The following CEACAM3 variants were observed in gnomAD, a reference collection of about 807,000 sequenced individuals.
CEACAM3 encodes the protein cell adhesion molecule CEACAM3.
In CEACAM3, 32 loss-of-function variants were observed where a neutral mutation model predicts 30.1. The ratio of observed to expected loss-of-function variants is 1.06; its 90% CI spans 0.80 to 1.43. CEACAM3 has a LOEUF of 1.43. CEACAM3 is among the 40% of genes most tolerant of loss of function. The probability of loss-of-function intolerance (pLI) is 0.00; values close to 1 mark genes in which losing one functional copy is unlikely to be tolerated. For missense variants in CEACAM3, 290 were observed against 316.3 expected (o/e 0.92, Z 0.63); for synonymous variants, 134 against 127.2 (o/e 1.05, Z -0.36).
chr19:41,799,653 G>T (rs1352586489), intron 2 of CEACAM3, among the ~76,000 whole-genome samples: 1 of 152,126 alleles, frequency 6.6e-6, no homozygotes, highest in Non-Finnish European at 1.5e-5. Context: ...TGTGTTTCCT[G>T]ATGTGTCAGT....
chr19:41,799,594 G>A (rs1483835427), intron 2 of CEACAM3, among the ~76,000 whole-genome samples: 3 of 152,062 alleles, frequency 2.0e-5, no homozygotes, highest in Admixed American at 6.6e-5. Context: ...AGGAATGTCC[G>A]GGCCTCCCTC....
At chr19:41,804,617 G>A (rs1555826468) in intron 2 of CEACAM3, among the ~76,000 whole-genome samples, 1 of 152,074 alleles carries the variant, frequency 6.6e-6, no homozygotes, top group Admixed American at 6.5e-5. Context: ...CTTCCTAACA[G>A]GACTCACAAT....
intron 2 of CEACAM3, among the ~76,000 whole-genome samples, chr19:41,800,357 C>A (rs2073135836): frequency 6.6e-6 from 1 of 152,114 alleles, no homozygotes; most frequent in Admixed American, 6.5e-5. Context: ...AGACCGAGGT[C>A]TAGCGGTAGC....
intron 2 of CEACAM3, among the ~76,000 whole-genome samples, chr19:41,802,264 C>T (rs2073156288): frequency 6.6e-6 from 1 of 152,188 alleles, no homozygotes; most frequent in Admixed American, 6.5e-5. Flanking sequence ...CCAGTCATTC[C>T]CTAGAGACTT....
chr19:41,799,600 C>T (rs1011647922), intron 2 of CEACAM3, among the ~76,000 whole-genome samples: 1 of 152,172 alleles, frequency 6.6e-6, no homozygotes, highest in Non-Finnish European at 1.5e-5. Flanking sequence ...GTCCGGGCCT[C>T]CCTCTCAGAT....
In CEACAM3 at chr19:41,811,529, C is replaced by G. The variant is rs2073250701; in HGVS notation, c.*292C>G. The G allele has an allele frequency of 2.3e-6, 1 of 425,886 alleles. No individual in the cohort carries two copies. The highest frequency in any genetic ancestry group is 1.9e-5 in the African/African-American group (1 of 51,824). The allele number at this position is 425,886 out of a possible 1,614,324, so 26.4% of individuals were successfully genotyped here. A position where few individuals can be genotyped will look rare whatever the true frequency, so the allele number is the denominator to read the frequency against. On this transcript the variant is annotated 3_prime_UTR_variant, in exon 7 of 7. Coordinates refer to ENST00000357396, the MANE Select transcript of CEACAM3 (RefSeq NM_001815.5). The stretch of plus-strand genomic sequence containing the variant: ...CCACCTGGGGTCACTTGGAAAGGAT[C>G]TGAATAAAGGGGACCCTTCCTCTCA...
intron 2 of CEACAM3, among the ~76,000 whole-genome samples, chr19:41,803,878 G>C (rs529356032): frequency 3.9e-4 from 59 of 152,120 alleles, no homozygotes; most frequent in African/African-American, 1.4e-3. Context: ...TCAGGAGTTC[G>C]AGACCAGCCT....
rs782466052 is a variant in CEACAM3 at position 41,797,803 on chromosome 19, C to T, written c.279C>T (p.Ala93=). ...GAACTCAACAAGCTACCCCAGGGGC[C>T]GCATACAGCGGTCGAGAGACAATAT... ...VIGTQQATPG[A]AYSGRETIYT... The change falls in exon 2 of 7, where the codon GCC becomes GCT. Residue 93 remains alanine, a synonymous_variant. Coordinates refer to ENST00000357396, the MANE Select transcript of CEACAM3 (RefSeq NM_001815.5). 1.8e-5 allele frequency: 29 copies of T among 1,612,260 alleles called. No homozygotes were observed. Among genetic ancestry groups the T allele is most frequent in the African/African-American group, 4.1e-5 (3 of 73,210 alleles).
intron 2 of CEACAM3, chr19:41,807,408 T>C (rs1053453948): frequency 8.7e-6 from 7 of 801,584 alleles, no homozygotes; most frequent in Non-Finnish European, 1.1e-5. Flanking sequence ...TGTTCCTCTG[T>C]GGCCCAGGCT....
At chr19:41,796,995 T>C (rs2073107806) in intron 1 of CEACAM3, among the ~76,000 whole-genome samples, 1 of 152,154 alleles carries the variant, frequency 6.6e-6, no homozygotes, top group African/African-American at 2.4e-5. Context: ...ATGATAAGAA[T>C]AAGAATTACA....
intron 2 of CEACAM3, among the ~76,000 whole-genome samples, chr19:41,798,579 A>G (rs1306254917): frequency 1.3e-5 from 2 of 152,222 alleles, no homozygotes; most frequent in Admixed American, 6.5e-5. Flanking sequence ...ACAGATGGAC[A>G]AGATTACTAG....
At chr19:41,807,976 A>G (rs182797070) in intron 2 of CEACAM3, among the ~76,000 whole-genome samples, 6 of 152,332 alleles carry the variant, frequency 3.9e-5, no homozygotes, top group African/African-American at 1.4e-4. Context: ...TGCCTCGCCC[A>G]TAACTCAGCC....
At chr19:41,797,993 C>G in intron 2 of CEACAM3, 45 bp downstream of exon 2, 2 of 1,563,328 alleles carry the variant, frequency 1.3e-6, no homozygotes, top group Non-Finnish European at 1.7e-6. Context: ...GTCAGTTCTA[C>G]TTCCCACATA....
intron 2 of CEACAM3, among the ~76,000 whole-genome samples, chr19:41,806,321 C>T (rs899994223): frequency 1.3e-5 from 2 of 152,156 alleles, no homozygotes; most frequent in African/African-American, 2.4e-5. Context: ...TGAGCCACCG[C>T]ACCCGGCCTT....
intron 2 of CEACAM3, chr19:41,807,269 AATGACAAG>A (rs1568742619): frequency 6.2e-7 from 1 of 1,608,688 alleles, no homozygotes; most frequent in Admixed American, 1.7e-5. Context: ...GCAGCTGTCC[AATGACAAG>A]AGGACCCTCA....
rs555515452 is a variant in CEACAM3, at chr19:41,809,602, C to T, written c.543-363C>T. ...CAGGAGAATCCAAGACACTTGCGGT[C>T]CCCTCCGTGTCCTGCACACGTGGCC... On this transcript the variant is annotated intron_variant, in intron 3 of 6. Coordinates refer to ENST00000357396, the MANE Select transcript of CEACAM3 (RefSeq NM_001815.5). 45 of 206,922 alleles carry T rather than the reference C, an allele frequency of 2.2e-4. 1 individual carries two copies. The South Asian group carries it at 3.9e-3, about 18-fold the overall frequency. The allele number at this position is 206,922 out of a possible 1,614,324, so 12.8% of individuals were successfully genotyped here.
Position 41,809,811 on chromosome 19 carries a change from C to T in CEACAM3, c.543-154C>T, listed in dbSNP as rs1425498789. The T allele has an allele frequency of 6.9e-6, 5 of 721,642 alleles. No individual in the cohort carries two copies. In the Admixed American group the frequency reaches 8.7e-5, roughly 13 times the overall value. 44.7% of individuals were successfully genotyped at this position (721,642 alleles called of 1,614,324 possible). ...GGTTCCTAAAGCCTTTCCTCAACTC[C>T]CCTCTGCTGGGCTCCCCCTAACACA... On this transcript the variant is annotated intron_variant, in intron 3 of 6. Coordinates refer to ENST00000357396, the MANE Select transcript of CEACAM3 (RefSeq NM_001815.5).
chr19:41,801,754 C>T (rs563877064), intron 2 of CEACAM3, among the ~76,000 whole-genome samples: 4 of 152,216 alleles, frequency 2.6e-5, no homozygotes, highest in East Asian at 1.9e-4. Context: ...GGGTCACAGT[C>T]CAGGTGGAGT....
At chr19:41,800,260 C>T (rs1397521571) in intron 2 of CEACAM3, among the ~76,000 whole-genome samples, 1 of 152,164 alleles carries the variant, frequency 6.6e-6, no homozygotes. Context: ...AGAGTGCGAG[C>T]CTTCTGTTAT....
Sources: allele counts gnomAD v4.1 joint callset (sites outside exome capture counted in the v4.1 genomes callset), GRCh38; gene constraint gnomAD v4.1.1; transcripts MANE v1.5; gene names NCBI Gene and HGNC (gene_info 2026-07-23, HGNC 2026-07-21).